Variants in SRCAP observed in about 807,000 individuals in gnomAD.
SRCAP encodes the protein chromatin remodeling protein SRCAP.
A neutral mutation model predicts 263.1 loss-of-function variants in SRCAP; 46 were observed. The ratio of observed to expected loss-of-function variants is 0.17; its 90% CI spans 0.14 to 0.22. SRCAP has a LOEUF of 0.22. Ranked by LOEUF, SRCAP falls within the 10% of genes least tolerant of loss-of-function variation. The pLI is 1.00. For missense variants in SRCAP, 3,695 were observed against 4,181.9 expected, an observed-to-expected ratio of 0.88 and a Z score of 3.21; for synonymous variants, 1,813 against 1,662.1, an observed-to-expected ratio of 1.09 and a Z score of -2.21.
Position 30,716,207 on chromosome 16 carries a change from G to GGGA in SRCAP, c.2630+9_2630+11dup. On this transcript the variant is annotated splice_donor_region_variant and intron_variant, in intron 17 of 33. Coordinates refer to ENST00000262518, the MANE Select transcript of SRCAP (RefSeq NM_006662.3). ...TGACTTCATGGCACAGACCACGTAAGGGAGGAAGGAGGGTGGGCCCTGGGA... is the reference window on the plus strand; with the variant it reads ...TGACTTCATGGCACAGACCACGTAAGGGAGGAGGAAGGAGGGTGGGCCCTGGGA... 6.2e-7 allele frequency: 1 copy of GGGA among 1,614,080 alleles called. No homozygotes were observed. The highest frequency in any genetic ancestry group is 8.5e-7 in the Non-Finnish European group (1 of 1,179,924).
intron 5 of SRCAP, 38 bp from the exon 6 acceptor site, chr16:30,707,534 G>T (rs781518661): frequency 3.1e-6 from 5 of 1,609,570 alleles, no homozygotes; most frequent in Non-Finnish European, 4.2e-6. Context: ...GGGAAGTCTG[G>T]CTTTGAGTGT....
chr16:30,710,993 T>C lies in SRCAP; in HGVS notation c.1229-6T>C, dbSNP rs757825637. The C allele has an allele frequency of 6.2e-7, 1 of 1,613,658 alleles. No individual in the cohort carries two copies. Among genetic ancestry groups the C allele is most frequent in the African/African-American group, 1.3e-5 (1 of 75,036 alleles). On this transcript the variant is annotated splice_region_variant and splice_polypyrimidine_tract_variant and intron_variant, in intron 9 of 33. Transcript: ENST00000262518. The stretch of plus-strand genomic sequence containing the variant: ...CCTATTAATCTTGCTTCTGTCTCTT[T>C]CCTAGCGGAGGATGAAGAGGATACT...
rs889684410 is a variant in SRCAP, at chr16:30,729,005, C to A, written c.5698C>A (p.Arg1900Ser). Residue 1900 changes from arginine (R) to serine (S), a missense_variant, in exon 26 of 34, where the codon CGC (arginine) becomes AGC (serine). Physicochemically the swap from Arg to Ser is moderately radical, Grantham distance 110 (BLOSUM62 -1). Around this residue, in one of 12 missense-constraint regions of SRCAP, gnomAD observed 1,347 missense variants for 1,304.4 expected, o/e 1.03. Transcript: ENST00000262518. ...AAAGCGGAAGCGGCAGCGGTCTGAA[C>A]GCCTGGAACGGATTTTCCAACTTAG... ...EEKRKRQRSE[R>S]LERIFQLSEA... 6.2e-7 allele frequency: 1 copy of A among 1,614,074 alleles called. No homozygotes were observed. Among genetic ancestry groups the A allele is most frequent in the Non-Finnish European group, 8.5e-7 (1 of 1,179,976 alleles).
intron 16 of SRCAP, among the ~76,000 whole-genome samples, chr16:30,714,560 G>A (rs1483007488): frequency 8.0e-6 from 1 of 124,914 alleles, no homozygotes; most frequent in Non-Finnish European, 1.6e-5. Flanking sequence ...GGAGTGCAGT[G>A]GCGTGATCTG....
At chr16:30,720,397 C>T in intron 19 of SRCAP, 66 bp downstream of exon 19, 5 of 1,545,006 alleles carry the variant, frequency 3.2e-6, no homozygotes, top group South Asian at 2.4e-5. Flanking sequence ...CCAGAGGGGC[C>T]TGGGGTGGGA....
intron 31 of SRCAP, 115 bp from the exon 32 acceptor site, chr16:30,736,085 C>CT: frequency 7.9e-7 from 1 of 1,273,236 alleles, no homozygotes; most frequent in Non-Finnish European, 1.1e-6. Context: ...TTGTTGAGTT[C>CT]TGTTGCAAAC....
rs779526189 is a variant in SRCAP at position 30,737,261 on chromosome 16, A to G, written c.7221A>G (p.Gln2407=). Residue 2407 remains glutamine, a synonymous_variant, in exon 34 of 34, where the codon CAA becomes CAG. Coordinates refer to ENST00000262518, the MANE Select transcript of SRCAP (RefSeq NM_006662.3). ...TTCGTGGAGCCCGGGCTGAGACTCAAGGGGCAAACCACACTCCTGTCATAT... is the reference window on the plus strand; with the variant it reads ...TTCGTGGAGCCCGGGCTGAGACTCAGGGGGCAAACCACACTCCTGTCATAT... The part of the protein sequence containing the change: ...ERLRGARAET[Q]GANHTPVISA... 1.9e-6 allele frequency: 3 copies of G among 1,613,980 alleles called. No homozygotes were observed. Among genetic ancestry groups the G allele is most frequent in the Admixed American group, 3.3e-5 (2 of 59,996 alleles).
chr16:30,703,153 A>G (rs979871794), intron 3 of SRCAP, among the ~76,000 whole-genome samples: 6 of 150,584 alleles, frequency 4.0e-5, no homozygotes, highest in Non-Finnish European at 5.9e-5. Flanking sequence ...CATATGCTAT[A>G]TATATATATA....
intron 4 of SRCAP, among the ~76,000 whole-genome samples, chr16:30,705,758 G>A (rs1313974920): frequency 6.6e-6 from 1 of 150,844 alleles, no homozygotes; most frequent in Non-Finnish European, 1.5e-5. Flanking sequence ...TGAGGCTGGA[G>A]TGCAGTGGCA....
At chr16:30,716,023 G>T (rs1289597515) in intron 16 of SRCAP, 43 bp from the exon 17 acceptor site, 2 of 1,612,354 alleles carry the variant, frequency 1.2e-6, no homozygotes, top group Non-Finnish European at 1.7e-6. Context: ...GGGGCTCGGT[G>T]CCTGAGTTCT....
chr16:30,710,179 G>A (rs780734041), intron 8 of SRCAP, 51 bp downstream of exon 8: 1 of 1,572,262 alleles, frequency 6.4e-7, no homozygotes, highest in Non-Finnish European at 8.6e-7. Context: ...CAGAGGGAGA[G>A]GTTCAGGGTC....
chr16:30,714,390 T>C (rs955596716), intron 16 of SRCAP, among the ~76,000 whole-genome samples: 5 of 151,872 alleles, frequency 3.3e-5, no homozygotes, highest in African/African-American at 4.8e-5. Context: ...TTTGTATTTT[T>C]AGTAGAGTCG....
At chr16:30,709,266 TA>T (rs766700062) in intron 6 of SRCAP, among the ~76,000 whole-genome samples, 548 of 142,882 alleles carry the variant, frequency 3.8e-3, no homozygotes, top group Non-Finnish European at 3.5e-3. Flanking sequence ...CTCATCTCTT[TA>T]AAAAAAAAAA....
chr16:30,704,309 C>G lies in SRCAP; in HGVS notation c.300C>G (p.Ala100=), dbSNP rs1311817543. Residue 100 remains alanine, a synonymous_variant, in exon 4 of 34, where the codon GCC becomes GCG. Transcript: ENST00000262518. ...GCCATGCCGAAATTGCAGAACAGGC[C>G]AAGCATGTACGTATTAGAAAGGCTT... ...EKSHAEIAEQ[A]KHEAEIETRI... 1 of 1,596,458 alleles carries G rather than the reference C, an allele frequency of 6.3e-7. No individual in the cohort carries two copies. The highest frequency in any genetic ancestry group is 1.3e-5 in the African/African-American group (1 of 74,666).
rs761359958 is a variant in SRCAP at position 30,739,745 on chromosome 16, C to T, written c.*12C>T. On this transcript the variant is annotated 3_prime_UTR_variant, in exon 34 of 34. Coordinates refer to ENST00000262518, the MANE Select transcript of SRCAP (RefSeq NM_006662.3). ...AGGCCAAGACGTGAGTGGGCTGCCC[C>T]TCCACCTAGGCTTTCCACCGTGGCC... 2 of 1,462,540 alleles carry T rather than the reference C, an allele frequency of 1.4e-6. No individual in the cohort carries two copies. The highest frequency in any genetic ancestry group is 1.8e-6 in the Non-Finnish European group (2 of 1,105,904). The allele number at this position is 1,462,540 out of a possible 1,614,324, so 90.6% of individuals were successfully genotyped here. A position where few individuals can be genotyped will look rare whatever the true frequency, so the allele number is the denominator to read the frequency against.
In SRCAP at chr16:30,700,838, C is replaced by T. The variant is rs1319737424; in HGVS notation, c.14C>T (p.Pro5Leu). The change falls in exon 3 of 34, where the codon CCC (proline) becomes CTC (leucine). Residue 5 changes from proline to leucine, a missense_variant. This residue lies in a region of SRCAP where 122 missense variants were observed against 116.9 expected (regional missense o/e 1.04). Coordinates refer to ENST00000262518, the MANE Select transcript of SRCAP (RefSeq NM_006662.3). ...GGGAGTGGGACCATGCAGAGCAGCC[C>T]CTCCCCTGCTCACCCTCAGCTCCCA... MQSSPSPAHPQLPVL... is the reference protein window; with the variant it reads MQSSLSPAHPQLPVL... 3.1e-6 allele frequency: 5 copies of T among 1,614,020 alleles called. No homozygotes were observed. The highest frequency in any genetic ancestry group is 1.3e-5 in the African/African-American group (1 of 74,934).
intron 27 of SRCAP, among the ~76,000 whole-genome samples, chr16:30,731,509 TAAAA>T (rs556997662): frequency 1.3e-5 from 2 of 152,032 alleles, no homozygotes; most frequent in Non-Finnish European, 2.9e-5. Flanking sequence ...AATGTTTTAG[TAAAA>T]AAAAGTGTTT....
At chr16:30,726,405 T>C (rs188716751) in intron 25 of SRCAP, 3 of 152,362 alleles carry the variant, frequency 2.0e-5, no homozygotes, top group East Asian at 3.8e-4. Context: ...CTGGGTTATA[T>C]TGTAACTAGG....
At position 30,722,734 on chromosome 16, in the gene SRCAP, T is replaced by G; in HGVS notation, c.3878T>G (p.Leu1293Arg). Residue 1293 changes from leucine to arginine, a missense_variant, in exon 23 of 34, where the codon CTT (leucine) becomes CGT (arginine). Coordinates refer to ENST00000262518, the MANE Select transcript of SRCAP (RefSeq NM_006662.3). ...TPAPTGLSLP[L>R]AANQVPPTMV... is the part of the protein sequence containing the mutation. ...GCCCCTACTGGCCTCAGCCTTCCGC[T>G]TGCTGCTAACCAGGGTGAGGCTCCT... 6.2e-7 allele frequency: 1 copy of G among 1,611,764 alleles called. No individual in the cohort carries two copies. The highest frequency in any genetic ancestry group is 8.5e-7 in the Non-Finnish European group (1 of 1,178,466).
Sources: allele counts gnomAD v4.1 joint callset (sites outside exome capture counted in the v4.1 genomes callset), GRCh38; gene constraint gnomAD v4.1.1; regional missense constraint gnomAD v4.1.1; transcripts MANE v1.5; gene names NCBI Gene and HGNC (gene_info 2026-07-23, HGNC 2026-07-21).